The following SH2D4A variants were observed in gnomAD, a reference collection of about 807,000 sequenced individuals.
SH2D4A encodes SH2 domain containing 4A, also known as SH2 domain-containing protein 4A.
In SH2D4A, 70 loss-of-function variants were observed where a neutral mutation model predicts 64.7. The ratio of observed to expected loss-of-function variants is 1.08; its 90% CI spans 0.89 to 1.32. The LOEUF (loss-of-function observed/expected upper bound fraction) is 1.32. Ranked by LOEUF, SH2D4A falls within the 40% of genes most tolerant of loss-of-function variation. SH2D4A has a pLI of 0.00. For synonymous variants in SH2D4A, 268 were observed against 200.7 expected, an observed-to-expected ratio of 1.34 and a Z score of -2.83; for missense variants, 706 against 540.1, an observed-to-expected ratio of 1.31 and a Z score of -3.04.
In SH2D4A at chr8:19,339,498, T is replaced by TC. The variant is rs1457490591; in HGVS notation, c.513+4641_513+4642insC. Among the ~76,000 whole-genome samples the TC allele has an allele frequency of 2.2e-3, 322 of 149,376 alleles. 2 individuals are homozygous for TC. The highest frequency in any genetic ancestry group is 7.5e-3 in the African/African-American group (305 of 40,542). On this transcript the variant is annotated intron_variant, in intron 4 of 9. Transcript: ENST00000265807. ...TTTCCTCTTCCCTATAAACTTTCTT[T>TC]TTTTTTTTTTTTTTTCTTTTTGAGG...
intron 1 of SH2D4A, among the ~76,000 whole-genome samples, chr8:19,314,736 G>A (rs2052057353): frequency 6.6e-6 from 1 of 152,160 alleles, no homozygotes; most frequent in Non-Finnish European, 1.5e-5. Flanking sequence ...TAAATAAGTG[G>A]AAAGCATACA....
rs1563181778 is a variant in SH2D4A at position 19,319,581 on chromosome 8, G to A, written c.34G>A (p.Asp12Asn). 6.3e-7 allele frequency: 1 copy of A among 1,599,746 alleles called. No homozygotes were observed. The highest frequency in any genetic ancestry group is 1.3e-5 in the African/African-American group (1 of 74,246). The change falls in exon 2 of 10, where the codon GAT (aspartate) becomes AAT (asparagine). Residue 12 changes from aspartate (D) to asparagine (N), a missense_variant. Coordinates refer to ENST00000265807, the MANE Select transcript of SH2D4A (RefSeq NM_022071.4). ...ACAGATACTGTCGGAGATGTACATA[G>A]ATCCTGATCTACTGGCAGAGCTCAG... ...LKQILSEMYI[D>N]PDLLAELSEE...
chr8:19,326,056 C>T (rs2052274252), intron 2 of SH2D4A, among the ~76,000 whole-genome samples: 1 of 152,222 alleles, frequency 6.6e-6, no homozygotes, highest in South Asian at 2.1e-4. Context: ...TTTTCACCCT[C>T]CAAAGCATTT....
At chr8:19,378,623 A>G (rs1023443059) in intron 8 of SH2D4A, among the ~76,000 whole-genome samples, 3 of 152,074 alleles carry the variant, frequency 2.0e-5, no homozygotes, top group Non-Finnish European at 4.4e-5. Flanking sequence ...TTTAGTAGAG[A>G]TGGGGTTTCA....
chr8:19,317,303 A>ATTTTTTTT (rs761621347), intron 1 of SH2D4A, among the ~76,000 whole-genome samples: 1 of 97,368 alleles, frequency 1.0e-5, no homozygotes, highest in African/African-American at 4.0e-5. Context: ...CAAGACATCC[A>ATTTTTTTT]TTTTTTTTTT....
chr8:19,353,684 T>TTTTTTG (rs1563198035), intron 4 of SH2D4A, among the ~76,000 whole-genome samples: 1 of 147,886 alleles, frequency 6.8e-6, no homozygotes, highest in Non-Finnish European at 1.5e-5. Flanking sequence ...GTTTTTTTTT[T>TTTTTTG]TTTTTTTTTT....
chr8:19,394,688 C>G lies in SH2D4A; in HGVS notation c.*46C>G. Reference sequence around the variant, plus strand: ...CTACAGCCTCCAAGCGGGCTTTCCCCTGGACAAATGCCACTGCAACATTTA... The same window carrying G: ...CTACAGCCTCCAAGCGGGCTTTCCCGTGGACAAATGCCACTGCAACATTTA... On this transcript the variant is annotated 3_prime_UTR_variant, in exon 10 of 10. Transcript: ENST00000265807. 6.8e-7 allele frequency: 1 copy of G among 1,469,736 alleles called. No individual in the cohort carries two copies. Among genetic ancestry groups the G allele is most frequent in the Non-Finnish European group, 9.3e-7 (1 of 1,074,750 alleles). 91.0% of individuals were successfully genotyped at this position (1,469,736 alleles called of 1,614,324 possible).
chr8:19,357,665 C>G (rs2052814435), intron 5 of SH2D4A, among the ~76,000 whole-genome samples: 1 of 152,282 alleles, frequency 6.6e-6, no homozygotes, highest in East Asian at 1.9e-4. Context: ...GAACCTGTCC[C>G]TTGAGGGTGA....
intron 1 of SH2D4A, 67 bp from the exon 2 acceptor site, chr8:19,319,277 A>AAAAAAAGG: frequency 9.0e-7 from 1 of 1,107,614 alleles, no homozygotes; most frequent in Non-Finnish European, 1.1e-6. Flanking sequence ...TTTTTTTTTA[A>AAAAAAAGG]ACCCGTCCTA....
At chr8:19,347,330 A>T (rs922439347) in intron 4 of SH2D4A, among the ~76,000 whole-genome samples, 10 of 152,194 alleles carry the variant, frequency 6.6e-5, no homozygotes, top group Non-Finnish European at 1.2e-4. Flanking sequence ...AGAGAAAAAG[A>T]CAGTGGCATG....
chr8:19,335,798 T>C (rs1563189806), intron 4 of SH2D4A, among the ~76,000 whole-genome samples: 2 of 152,234 alleles, frequency 1.3e-5, no homozygotes, highest in African/African-American at 4.8e-5. Context: ...ATGAATTCTC[T>C]TATGGTTCAG....
At position 19,337,668 on chromosome 8, in the gene SH2D4A, A is replaced by G. The variant is rs577271926; in HGVS notation, c.513+2811A>G. On this transcript the variant is annotated intron_variant, in intron 4 of 9. Coordinates refer to ENST00000265807, the MANE Select transcript of SH2D4A (RefSeq NM_022071.4). ...ATGTAGCTGGGGAGGCCTCACAATC[A>G]CTGTGGAAGGTGAAAGGCACGTCTA... 1.5e-4 allele frequency among the ~76,000 whole-genome samples: 23 copies of G among 152,318 alleles called. No individual in the cohort carries two copies. The South Asian group carries it at 3.7e-3, about 25-fold the overall frequency.
chr8:19,338,381 A>G, intron 4 of SH2D4A, among the ~76,000 whole-genome samples: 1 of 152,230 alleles, frequency 6.6e-6, no homozygotes. Context: ...TAGATCTCTC[A>G]GACCCACGAA....
intron 8 of SH2D4A, among the ~76,000 whole-genome samples, chr8:19,377,053 C>T (rs969467455): frequency 1.3e-5 from 2 of 152,274 alleles, no homozygotes; most frequent in East Asian, 3.9e-4. Flanking sequence ...ATATTAACAG[C>T]CATATTTACT....
At chr8:19,380,941 C>G (rs1313805105) in intron 8 of SH2D4A, among the ~76,000 whole-genome samples, 1 of 151,912 alleles carries the variant, frequency 6.6e-6, no homozygotes, top group East Asian at 1.9e-4. Flanking sequence ...TGCATTGAAT[C>G]TGTATATCAT....
At chr8:19,377,698 TA>T (rs113470266) in intron 8 of SH2D4A, among the ~76,000 whole-genome samples, 2,423 of 152,246 alleles carry the variant, frequency 0.016, 74 homozygotes, top group African/African-American at 0.055. Context: ...CACACACATA[TA>T]TTACACACGT....
intron 7 of SH2D4A, among the ~76,000 whole-genome samples, chr8:19,367,703 CA>C (rs2053022888): frequency 1.3e-5 from 2 of 152,116 alleles, no homozygotes. Flanking sequence ...TCCTTTGCTG[CA>C]GCAGAATCCT....
chr8:19,360,536 C>T (rs1411176251), intron 5 of SH2D4A, among the ~76,000 whole-genome samples: 1 of 152,050 alleles, frequency 6.6e-6, no homozygotes, highest in African/African-American at 2.4e-5. Flanking sequence ...ATCGCTTGAA[C>T]CTGGGAGGCA....
At chr8:19,314,108 C>G in intron 1 of SH2D4A, 1 of 504,388 alleles carries the variant, frequency 2.0e-6, no homozygotes, top group Non-Finnish European at 2.6e-6. Flanking sequence ...GGCCTGGGGG[C>G]TTGCAGGGGG....
Sources: gnomAD v4.1 joint callset for allele counts (sites outside exome capture counted in the v4.1 genomes callset) on GRCh38, gnomAD v4.1.1 for gene constraint, MANE v1.5 for transcripts, NCBI Gene and HGNC (gene_info 2026-07-23, HGNC 2026-07-21) for gene names.